Variants in ATP8A2 observed in about 807,000 individuals in gnomAD.
The protein encoded by ATP8A2 is phospholipid-transporting ATPase IB.
ATP8A2 carries 100 observed loss-of-function variants against 165.6 expected under a neutral mutation model. That is an observed-to-expected ratio of 0.60 (90% CI 0.51 to 0.71). ATP8A2 has a LOEUF of 0.71. Ranked by LOEUF, ATP8A2 falls within the 30% of genes least tolerant of loss-of-function variation. ATP8A2 has a pLI of 0.00. For missense variants in ATP8A2, 1,227 were observed against 1,479.5 expected (o/e 0.83, Z 2.80); for synonymous variants, 543 against 548.8 (o/e 0.99, Z 0.15).
At chr13:25,488,710 A>G (rs2036426562) in intron 2 of ATP8A2, among the ~76,000 whole-genome samples, 1 of 152,136 alleles carries the variant, frequency 6.6e-6, no homozygotes, top group Non-Finnish European at 1.5e-5. Flanking sequence ...TCTCAAGAAG[A>G]AAAAAACCAA....
intron 15 of ATP8A2, among the ~76,000 whole-genome samples, chr13:25,563,023 C>T (rs1176936995): frequency 2.0e-5 from 3 of 152,194 alleles, no homozygotes; most frequent in African/African-American, 7.2e-5. Context: ...CTGTTGGTTA[C>T]TGTTTTCTGT....
intron 1 of ATP8A2, among the ~76,000 whole-genome samples, chr13:25,464,095 A>G (rs2035571753): frequency 6.6e-6 from 1 of 152,108 alleles, no homozygotes; most frequent in Admixed American, 6.5e-5. Flanking sequence ...ATCAAAACCT[A>G]CTGGCCCAGA....
Position 25,699,266 on chromosome 13 carries a change from C to G in ATP8A2, c.2305C>G (p.Leu769Val), listed in dbSNP as rs759584063. ...DVALIIDGHTLKYALSFEVRR... is the reference protein window; with the variant it reads ...DVALIIDGHTVKYALSFEVRR... ...GGCCCTGATCATCGATGGCCACACC[C>G]TGAAGTACGCGCTCTCCTTCGAAGT... Residue 769 changes from leucine to valine, a missense_variant, in exon 25 of 37, where the codon CTG becomes GTG. This residue lies in a region of ATP8A2 where 592 missense variants were observed against 785.6 expected (regional missense o/e 0.75). Transcript: ENST00000381655. The G allele has an allele frequency of 6.2e-7, 1 of 1,613,864 alleles. No homozygotes were observed. The highest frequency in any genetic ancestry group is 8.5e-7 in the Non-Finnish European group (1 of 1,179,864).
chr13:25,604,960 T>C (rs1442798551), intron 24 of ATP8A2, among the ~76,000 whole-genome samples: 2 of 152,210 alleles, frequency 1.3e-5, no homozygotes, highest in Non-Finnish European at 2.9e-5. Context: ...GCCTGACAAC[T>C]CTTGACTTAC....
At chr13:25,904,509 C>T (rs1181299387) in intron 33 of ATP8A2, among the ~76,000 whole-genome samples, 1 of 152,228 alleles carries the variant, frequency 6.6e-6, no homozygotes, top group Non-Finnish European at 1.5e-5. Context: ...GCGCCTCTTC[C>T]TGCCTGCCGG....
In ATP8A2 at chr13:25,429,656, G is replaced by A. The variant is rs114828187; in HGVS notation, c.77-39321G>A. ...GTTCCGCAGGCACTTGGTACCAGTG[G>A]GGAGATACACATTCCTCACAAGCTT... On this transcript the variant is annotated intron_variant, in intron 1 of 36. Coordinates refer to ENST00000381655, the MANE Select transcript of ATP8A2 (RefSeq NM_016529.6). Among the ~76,000 whole-genome samples the A allele has an allele frequency of 8.5e-3, 1,287 of 152,300 alleles. 20 individuals are homozygous for A. The highest frequency in any genetic ancestry group is 0.029 in the African/African-American group (1,191 of 41,562).
chr13:25,511,001 T>A (rs1331666111), intron 2 of ATP8A2, among the ~76,000 whole-genome samples: 2 of 152,214 alleles, frequency 1.3e-5, no homozygotes, highest in African/African-American at 4.8e-5. Context: ...CACTTTGAAC[T>A]CTTTGTGTTT....
At chr13:25,583,716 T>C (rs1350171979) in intron 23 of ATP8A2, among the ~76,000 whole-genome samples, 1 of 152,228 alleles carries the variant, frequency 6.6e-6, no homozygotes, top group Admixed American at 6.5e-5. Context: ...AAATGGATTA[T>C]TACTCAAAAA....
chr13:25,828,629 G>A (rs1412221291), intron 28 of ATP8A2, among the ~76,000 whole-genome samples: 1 of 152,166 alleles, frequency 6.6e-6, no homozygotes, highest in African/African-American at 2.4e-5. Flanking sequence ...AAGGGTATCT[G>A]TCCTTGTGGA....
At chr13:25,881,194 A>G (rs1210811604) in intron 33 of ATP8A2, among the ~76,000 whole-genome samples, 1 of 152,124 alleles carries the variant, frequency 6.6e-6, no homozygotes, top group African/African-American at 2.4e-5. Context: ...AGAATGTGGA[A>G]GGATTTTTGC....
chr13:25,609,841 G>C (rs1213575176), intron 24 of ATP8A2, among the ~76,000 whole-genome samples: 1 of 150,838 alleles, frequency 6.6e-6, no homozygotes, highest in Non-Finnish European at 1.5e-5. Flanking sequence ...ATCCCATTGT[G>C]GTTTTGATTT....
intron 25 of ATP8A2, among the ~76,000 whole-genome samples, chr13:25,726,604 A>C (rs2043499007): frequency 6.6e-6 from 1 of 151,826 alleles, no homozygotes; most frequent in African/African-American, 2.4e-5. Flanking sequence ...CCTGCAGTGA[A>C]ATCTCTCTCT....
At chr13:25,526,292 G>A (rs960912232) in intron 2 of ATP8A2, among the ~76,000 whole-genome samples, 11 of 151,980 alleles carry the variant, frequency 7.2e-5, no homozygotes, top group Non-Finnish European at 1.6e-4. Flanking sequence ...TCTTGTTAGG[G>A]TTAGTCACTG....
At chr13:25,626,022 A>C (rs990270764) in intron 24 of ATP8A2, among the ~76,000 whole-genome samples, 2 of 152,172 alleles carry the variant, frequency 1.3e-5, no homozygotes, top group Non-Finnish European at 2.9e-5. Flanking sequence ...AAATTGAATC[A>C]ATGTGATTGT....
chr13:25,522,970 A>G (rs2037717564), intron 2 of ATP8A2, among the ~76,000 whole-genome samples: 1 of 152,104 alleles, frequency 6.6e-6, no homozygotes, highest in Non-Finnish European at 1.5e-5. Flanking sequence ...CTAAAAATAC[A>G]AAGAGATAGC....
At chr13:25,825,582 A>C (rs575052566) in intron 27 of ATP8A2, among the ~76,000 whole-genome samples, 2 of 152,120 alleles carry the variant, frequency 1.3e-5, no homozygotes, top group African/African-American at 2.4e-5. Flanking sequence ...GAATAGGAGA[A>C]CTCAGAATTA....
intron 1 of ATP8A2, among the ~76,000 whole-genome samples, chr13:25,434,173 G>A (rs1222414922): frequency 6.6e-6 from 1 of 152,118 alleles, no homozygotes; most frequent in Non-Finnish European, 1.5e-5. Context: ...TCCCCTCTGT[G>A]GTGCGAGGAA....
At chr13:25,729,266 A>G (rs955583553) in intron 25 of ATP8A2, among the ~76,000 whole-genome samples, 5 of 152,230 alleles carry the variant, frequency 3.3e-5, no homozygotes, top group Non-Finnish European at 1.5e-5. Context: ...GTAATACACA[A>G]TCAAGATAAC....
chr13:25,711,156 C>T lies in ATP8A2; in HGVS notation c.2384+11811C>T, dbSNP rs116927786. Among the ~76,000 whole-genome samples the T allele has an allele frequency of 7.8e-3, 1,188 of 152,100 alleles. 5 individuals carry two copies. Among genetic ancestry groups the T allele is most frequent in the Non-Finnish European group, 0.013 (859 of 67,984 alleles). On this transcript the variant is annotated intron_variant, in intron 25 of 36. Transcript: ENST00000381655. ...GTAGCTGGGATTACAGGGGGCGTGC[C>T]ACCACACCCAGCTAATTTTTGTATT...
Sources: allele counts gnomAD v4.1 joint callset (sites outside exome capture counted in the v4.1 genomes callset), GRCh38; gene constraint gnomAD v4.1.1; regional missense constraint gnomAD v4.1.1; transcripts MANE v1.5; gene names NCBI Gene and HGNC (gene_info 2026-07-23, HGNC 2026-07-21).